KRT84: variants seen among roughly 807,000 people sequenced by gnomAD.
The protein encoded by KRT84 is keratin, type II cuticular Hb4.
A neutral mutation model predicts 49.0 loss-of-function variants in KRT84; 38 were observed. That is an observed-to-expected ratio of 0.78 (90% confidence interval 0.60 to 1.02). The LOEUF (loss-of-function observed/expected upper bound fraction) is 1.02, where lower values mean the gene tolerates loss of function less well. Ranked by LOEUF, KRT84 falls within the 50% of genes least tolerant of loss-of-function variation. KRT84 has a pLI of 0.00. For synonymous variants in KRT84, 334 were observed against 312.8 expected, an observed-to-expected ratio of 1.07 and a Z score of -0.72; for missense variants, 860 against 788.6, an observed-to-expected ratio of 1.09 and a Z score of -1.08.
intron 4 of KRT84, 78 bp downstream of exon 4, chr12:52,382,359 C>T (rs2271085): frequency 0.087 from 82,291 of 945,642 alleles, 9,118 homozygotes; most frequent in East Asian, 0.53. Flanking sequence ...TGAAAATATG[C>T]TAGCCCAGGC....
At chr12:52,381,260 C>T in intron 5 of KRT84, 55 bp from the exon 6 acceptor site, 1 of 1,610,420 alleles carries the variant, frequency 6.2e-7, no homozygotes, top group Non-Finnish European at 8.5e-7. Flanking sequence ...GGATCACAGC[C>T]CCCACTGAGT....
In KRT84 at chr12:52,378,309, C is replaced by A; in HGVS notation, c.1528G>T (p.Gly510Cys). 5 of 1,537,972 alleles carry A rather than the reference C, an allele frequency of 3.3e-6. No homozygotes were observed. The highest frequency in any genetic ancestry group is 4.4e-6 in the Non-Finnish European group (5 of 1,144,502). The change falls in exon 9 of 9, where the codon GGC becomes TGC. Residue 510 changes from glycine to cysteine, a missense_variant. Physicochemically the swap from Gly to Cys is radical, Grantham distance 159 (BLOSUM62 -3). Transcript: ENST00000257951. ...CTGCTACCTGAGAAGGTGACCCCGC[C>A]GCGGGAGAGGGTGGAGCCGGCAACC... ...PLVAGSTLSRGGVTFSGSSSV... is the reference protein window; with the variant it reads ...PLVAGSTLSRCGVTFSGSSSV...
At position 52,385,033 on chromosome 12, in the gene KRT84, T is replaced by C. The variant is rs2121445674; in HGVS notation, c.546+7A>G. ...CCTAGACCCAGAGATTCAGCTATCA[T>C]AGGTACCTTGTCAATGAAGGAGGCA... On this transcript the variant is annotated splice_region_variant and intron_variant, in intron 1 of 8. Coordinates refer to ENST00000257951, the MANE Select transcript of KRT84 (RefSeq NM_033045.4). The C allele has an allele frequency of 1.2e-6, 2 of 1,603,158 alleles. No homozygotes were observed. Among genetic ancestry groups the C allele is most frequent in the Admixed American group, 1.7e-5 (1 of 58,930 alleles).
At position 52,378,398 on chromosome 12, in the gene KRT84, A is replaced by G; in HGVS notation, c.1457-18T>C. 1 of 1,440,874 alleles carries G rather than the reference A, an allele frequency of 6.9e-7. No homozygotes were observed. The highest frequency in any genetic ancestry group is 2.7e-5 in the East Asian group (1 of 37,478). The allele number at this position is 1,440,874 out of a possible 1,614,324, so 89.3% of individuals were successfully genotyped here. Reference sequence around the variant, plus strand: ...GCTGACGGCTGCGGAGAAAGAAAGCATCAGGGAGGCTGCCGACACCAGGGC... The same window carrying G: ...GCTGACGGCTGCGGAGAAAGAAAGCGTCAGGGAGGCTGCCGACACCAGGGC... On this transcript the variant is annotated intron_variant, in intron 8 of 8. Coordinates refer to ENST00000257951, the MANE Select transcript of KRT84 (RefSeq NM_033045.4).
Position 52,378,013 on chromosome 12 carries a change from C to A in KRT84, c.*21G>T, listed in dbSNP as rs746226290. On this transcript the variant is annotated 3_prime_UTR_variant, in exon 9 of 9. Transcript: ENST00000257951. ...GTGGAGCTGGTTCTTCTCTGGGCAG[C>A]AGCTGTCTGGGGCTGGGCTCTCAGT... The A allele has an allele frequency of 3.5e-6, 5 of 1,422,370 alleles. No homozygotes were observed. The highest frequency in any genetic ancestry group is 1.6e-5 in the South Asian group (1 of 60,988). 88.1% of individuals were successfully genotyped at this position (1,422,370 alleles called of 1,614,324 possible).
chr12:52,384,702 C>T (rs1207268864), intron 1 of KRT84, among the ~76,000 whole-genome samples: 2 of 152,194 alleles, frequency 1.3e-5, no homozygotes, highest in Non-Finnish European at 2.9e-5. Flanking sequence ...GCTAAAGTCC[C>T]AGTGTTTCCA....
chr12:52,378,169 C>T lies in KRT84; in HGVS notation c.1668G>A (p.Met556Ile). ...LLSTGTRSGS[M>I]LISEACVPSV... The stretch of plus-strand genomic sequence containing the variant: ...TGGGGACACAGGCCTCGCTGATGAG[C>T]ATGGAGCCACTCCTTGTGCCAGTGC... The change falls in exon 9 of 9, where the codon ATG (methionine) becomes ATA (isoleucine). Residue 556 changes from methionine to isoleucine, a missense_variant. Transcript: ENST00000257951. 6.3e-7 allele frequency: 1 copy of T among 1,578,170 alleles called. No homozygotes were observed.
Position 52,382,488 on chromosome 12 carries a change from G to T in KRT84, c.861C>A (p.Asn287Lys), listed in dbSNP as rs547883078. The T allele has an allele frequency of 6.2e-7, 1 of 1,614,092 alleles. No homozygotes were observed. Among genetic ancestry groups the T allele is most frequent in the South Asian group, 1.1e-5 (1 of 91,070 alleles). ...CAATTTCCTGAGTTAGGGTATCCAC[G>T]TTGGCCTCGAGATCAGACTTGTTCA... The part of the protein sequence containing the change: ...AFMNKSDLEA[N>K]VDTLTQEIDF... Residue 287 changes from asparagine (N) to lysine (K), a missense_variant, in exon 4 of 9, where the codon AAC becomes AAA. Transcript: ENST00000257951.
At chr12:52,385,666 C>A (rs1049924653), upstream of KRT84, 6 of 1,298,770 alleles carry the variant, frequency 4.6e-6, no homozygotes, top group African/African-American at 7.4e-5. Context: ...GCCAGTGGAA[C>A]CCTTGCACCC....
At chr12:52,383,549 C>T (rs1477319982) in intron 2 of KRT84, 41 bp downstream of exon 2, 5 of 1,569,558 alleles carry the variant, frequency 3.2e-6, no homozygotes, top group Admixed American at 3.4e-5. Context: ...TGGGGCCAGG[C>T]CTGGCCTGTC....
At chr12:52,384,479 G>A (rs906139) in intron 1 of KRT84, among the ~76,000 whole-genome samples, 123,612 of 152,088 alleles carry the variant, frequency 0.81, 50,711 homozygotes, top group African/African-American at 0.93. Context: ...GTCATTCCCT[G>A]CAATTTCCCT....
At chr12:52,382,271 C>T (rs922490452) in intron 4 of KRT84, among the ~76,000 whole-genome samples, 166 bp downstream of exon 4, 9 of 152,174 alleles carry the variant, frequency 5.9e-5, no homozygotes, top group African/African-American at 2.2e-4. Context: ...GCTCACCTTC[C>T]CTTCCCCATT....
chr12:52,381,674 AG>A lies in KRT84; in HGVS notation c.913-150del. On this transcript the variant is annotated intron_variant, in intron 4 of 8. Coordinates refer to ENST00000257951, the MANE Select transcript of KRT84 (RefSeq NM_033045.4). The stretch of plus-strand genomic sequence containing the variant: ...GCAAGACCATCTAAATTGATGATAA[AG>A]AAAAAGACATGTCTGAGAACCATCT... 1.0e-5 allele frequency: 8 copies of A among 771,726 alleles called. No homozygotes were observed. In the South Asian group the frequency reaches 1.4e-4, roughly 14 times the overall value. 47.8% of individuals were successfully genotyped at this position (771,726 alleles called of 1,614,324 possible).
chr12:52,378,142 G>C lies in KRT84; in HGVS notation c.1695C>G (p.Ser565Arg). 3.2e-6 allele frequency: 5 copies of C among 1,567,914 alleles called. No homozygotes were observed. Among genetic ancestry groups the C allele is most frequent in the Non-Finnish European group, 4.3e-6 (5 of 1,158,750 alleles). ...SMLISEACVP[S>R]VPCPLPTQGG... ...CCTGGGTGGGCAGGGGGCAGGGGAC[G>C]CTGGGGACACAGGCCTCGCTGATGA... Residue 565 changes from serine to arginine, a missense_variant, in exon 9 of 9, where the codon AGC becomes AGG. By Grantham distance (110) the Ser-to-Arg change is moderately radical. Transcript: ENST00000257951.
intron 8 of KRT84, among the ~76,000 whole-genome samples, 182 bp from the exon 9 acceptor site, chr12:52,378,562 A>G (rs899449785): frequency 2.0e-5 from 3 of 152,220 alleles, no homozygotes; most frequent in Admixed American, 6.5e-5. Flanking sequence ...GGATGGCTCA[A>G]AGACTGTGAC....
In KRT84 at chr12:52,385,396, G is replaced by A. The variant is rs200827366; in HGVS notation, c.190C>T (p.Arg64Trp). ...SVITFGSYSP[R>W]IAAVGSRPIH... is the part of the protein sequence containing the mutation. ...GGCCGAGAGCCTACAGCTGCTATCCGGGGTGAGTACGATCCAAAGGTGATG... is the reference window on the plus strand; with the variant it reads ...GGCCGAGAGCCTACAGCTGCTATCCAGGGTGAGTACGATCCAAAGGTGATG... The change falls in exon 1 of 9, where the codon CGG becomes TGG. Residue 64 changes from arginine (R) to tryptophan (W), a missense_variant. Arg to Trp is a moderately radical substitution (Grantham distance 101). Transcript: ENST00000257951. 1.5e-5 allele frequency: 25 copies of A among 1,614,044 alleles called. No homozygotes were observed. The highest frequency in any genetic ancestry group is 5.3e-5 in the African/African-American group (4 of 74,920).
intron 1 of KRT84, 71 bp from the exon 2 acceptor site, chr12:52,383,869 G>C: frequency 1.6e-6 from 2 of 1,222,210 alleles, no homozygotes; most frequent in Non-Finnish European, 2.3e-6. Context: ...AAGCTCTTGA[G>C]ATGGCCAGCG....
intron 3 of KRT84, 45 bp from the exon 4 acceptor site, chr12:52,382,577 T>G: frequency 6.8e-7 from 1 of 1,472,890 alleles, no homozygotes; most frequent in Non-Finnish European, 9.5e-7. Context: ...CTGGGCACTG[T>G]TTCACCTTCC....
At chr12:52,386,698 G>A (rs1939578009), upstream of KRT84, among the ~76,000 whole-genome samples, 1 of 152,080 alleles carries the variant, frequency 6.6e-6, no homozygotes, top group African/African-American at 2.4e-5. Flanking sequence ...TGAATCTTTG[G>A]TTAGGATAGA....
Sources: gnomAD v4.1 joint callset for allele counts (sites outside exome capture counted in the v4.1 genomes callset) on GRCh38, gnomAD v4.1.1 for gene constraint, MANE v1.5 for transcripts, NCBI Gene and HGNC (gene_info 2026-07-23, HGNC 2026-07-21) for gene names.